Variants in LRRN3 observed in about 807,000 individuals in gnomAD.
LRRN3 encodes the protein leucine rich repeat neuronal 3.
In LRRN3, 15 loss-of-function variants were observed where a neutral mutation model predicts 40.1. That is an observed-to-expected ratio of 0.37 (90% confidence interval 0.25 to 0.58). LRRN3 has a LOEUF of 0.58. Ranked by LOEUF, LRRN3 falls within the 20% of genes least tolerant of loss-of-function variation. The pLI is 0.72. For missense variants in LRRN3, 746 were observed against 837.7 expected, an observed-to-expected ratio of 0.89 and a Z score of 1.35; for synonymous variants, 308 against 297.2, an observed-to-expected ratio of 1.04 and a Z score of -0.37.
chr7:111,109,160 T>C (rs1798889260), intron 2 of LRRN3, among the ~76,000 whole-genome samples: 1 of 152,106 alleles, frequency 6.6e-6, no homozygotes, highest in Non-Finnish European at 1.5e-5. Flanking sequence ...AAGACCAAAT[T>C]AAAGAACAAA....
At chr7:111,114,750 A>AAAAG (rs1268984004) in intron 2 of LRRN3, among the ~76,000 whole-genome samples, 1 of 151,790 alleles carries the variant, frequency 6.6e-6, no homozygotes, top group Non-Finnish European at 1.5e-5. Flanking sequence ...AAAAAAAAAA[A>AAAAG]AAAGAAAGAA....
chr7:111,111,687 T>A (rs1799223450), intron 2 of LRRN3, among the ~76,000 whole-genome samples: 1 of 151,934 alleles, frequency 6.6e-6, no homozygotes, highest in Non-Finnish European at 1.5e-5. Flanking sequence ...TAATTTTAAA[T>A]GAATTCAAGG....
chr7:111,113,610 T>C (rs1799499667), intron 2 of LRRN3, among the ~76,000 whole-genome samples: 1 of 151,620 alleles, frequency 6.6e-6, no homozygotes. Flanking sequence ...TATTTGGCTA[T>C]CTTCCAATAA....
chr7:111,110,657 A>G (rs1373722097), intron 2 of LRRN3, among the ~76,000 whole-genome samples: 3 of 152,228 alleles, frequency 2.0e-5, no homozygotes, highest in Non-Finnish European at 4.4e-5. Flanking sequence ...CAAATAACTT[A>G]AAGTTCAAAG....
At chr7:111,107,622 C>A (rs548149712) in intron 2 of LRRN3, among the ~76,000 whole-genome samples, 87 of 152,046 alleles carry the variant, frequency 5.7e-4, no homozygotes, top group Non-Finnish European at 5.7e-4. Flanking sequence ...AATCTACATG[C>A]TTTAATTGGG....
At chr7:111,099,043 C>A (rs1797693947) in intron 1 of LRRN3, among the ~76,000 whole-genome samples, 2 of 151,800 alleles carry the variant, frequency 1.3e-5, no homozygotes, top group Non-Finnish European at 3.0e-5. Flanking sequence ...TTGCTATCCA[C>A]TAGATTAACT....
intron 1 of LRRN3, chr7:111,097,414 T>G (rs532988311): frequency 6.6e-6 from 1 of 151,980 alleles, no homozygotes; most frequent in Non-Finnish European, 1.5e-5. Context: ...ACTTATAACT[T>G]TTTTCTAAAA....
At position 111,123,369 on chromosome 7, in the gene LRRN3, A is replaced by G. The variant is rs781214401; in HGVS notation, c.597A>G (p.Pro199=). The change falls in exon 3 of 3, where the codon CCA becomes CCG. Residue 199 remains proline, a synonymous_variant. Coordinates refer to ENST00000308478, the MANE Select transcript of LRRN3 (RefSeq NM_001099658.2). This position sits in a 1 kb window ranked among gnomAD's most constrained non-coding sequence, Gnocchi z 6.4. ...NLEILMIGEN[P]IIRIKDMNFK... is the part of the protein sequence containing the mutation. ...AGATTCTGATGATTGGGGAAAATCC[A>G]ATTATCAGAATCAAAGACATGAACT... is the stretch of plus-strand genomic sequence containing the variant. The G allele has an allele frequency of 6.2e-6, 10 of 1,613,744 alleles. No homozygotes were observed. The highest frequency in any genetic ancestry group is 8.5e-6 in the Non-Finnish European group (10 of 1,179,936).
In LRRN3 at chr7:111,124,577, A is replaced by G. The variant is rs1197296383; in HGVS notation, c.1805A>G (p.Asn602Ser). The stretch of plus-strand genomic sequence containing the variant: ...GATATTCCCACCATCTATCAGAAAA[A>G]CAGAAAAAAATGTGTAAATGTCACC... ...CIDIPTIYQK[N>S]RKKCVNVTTK... Residue 602 changes from asparagine (N) to serine (S), a missense_variant, in exon 3 of 3, where the codon AAC becomes AGC. Coordinates refer to ENST00000308478, the MANE Select transcript of LRRN3 (RefSeq NM_001099658.2). The G allele has an allele frequency of 6.8e-6, 11 of 1,613,798 alleles. No individual in the cohort carries two copies. The Admixed American group carries it at 1.7e-4, about 24-fold the overall frequency.
Position 111,123,282 on chromosome 7 carries a change from T to C in LRRN3, c.510T>C (p.His170=). 3.1e-6 allele frequency: 5 copies of C among 1,613,862 alleles called. No individual in the cohort carries two copies. The highest frequency in any genetic ancestry group is 4.2e-6 in the Non-Finnish European group (5 of 1,179,954). The part of the protein sequence containing the change: ...FIGLHNLLRL[H]LNSNRLQMIN... ...GCCTACATAATCTTCTTCGACTTCA[T>C]CTCAATTCAAATAGATTGCAGATGA... The change falls in exon 3 of 3, where the codon CAT becomes CAC. Residue 170 remains histidine (H), a synonymous_variant. Coordinates refer to ENST00000308478, the MANE Select transcript of LRRN3 (RefSeq NM_001099658.2). This position sits in a 1 kb window ranked among gnomAD's most constrained non-coding sequence, Gnocchi z 6.4.
intron 2 of LRRN3, among the ~76,000 whole-genome samples, chr7:111,102,784 C>T (rs887477664): frequency 1.3e-5 from 2 of 151,416 alleles, no homozygotes; most frequent in African/African-American, 4.8e-5. Context: ...TAAAAAGCTC[C>T]GAAACCATTC....
intron 2 of LRRN3, 149 bp from the exon 3 acceptor site, chr7:111,122,266 C>T (rs1201045433): frequency 6.6e-6 from 1 of 152,162 alleles, no homozygotes; most frequent in African/African-American, 2.4e-5. Context: ...AAGATAAAGT[C>T]ACCAAACATA....
chr7:111,118,082 G>C (rs1242625735), intron 2 of LRRN3, among the ~76,000 whole-genome samples: 1 of 152,056 alleles, frequency 6.6e-6, no homozygotes, highest in Non-Finnish European at 1.5e-5. Context: ...ACAGAATTAA[G>C]CATTCTCTCC....
At chr7:111,095,218 T>C (rs1483349545) in intron 1 of LRRN3, among the ~76,000 whole-genome samples, 1 of 151,972 alleles carries the variant, frequency 6.6e-6, no homozygotes, top group Non-Finnish European at 1.5e-5. Context: ...GTCTAATATG[T>C]TCATTTGATA....
Position 111,124,236 on chromosome 7 carries a change from C to G in LRRN3, c.1464C>G (p.Pro488=). 1 of 1,613,918 alleles carries G rather than the reference C, an allele frequency of 6.2e-7. No homozygotes were observed. Among genetic ancestry groups the G allele is most frequent in the Non-Finnish European group, 8.5e-7 (1 of 1,179,964 alleles). Residue 488 remains proline (P), a synonymous_variant, in exon 3 of 3, where the codon CCC becomes CCG. Coordinates refer to ENST00000308478, the MANE Select transcript of LRRN3 (RefSeq NM_001099658.2). ...CACTAGATATAAATGGCGTAACTCC[C>G]AAAGAAGGGGGTTTATATACTTGTA... The part of the protein sequence containing the change: ...EGTLDINGVT[P]KEGGLYTCIA...
intron 2 of LRRN3, among the ~76,000 whole-genome samples, chr7:111,102,711 T>C (rs935349156): frequency 1.3e-5 from 2 of 151,530 alleles, no homozygotes; most frequent in Non-Finnish European, 3.0e-5. Context: ...AATAGAATAA[T>C]CCAGCTTCTT....
Position 111,122,799 on chromosome 7 carries a change from T to A in LRRN3, c.27T>A (p.His9Gln), listed in dbSNP as rs778831114. Residue 9 changes from histidine (H) to glutamine (Q), a missense_variant, in exon 3 of 3, where the codon CAT (histidine) becomes CAA (glutamine). By Grantham distance (24) the His-to-Gln change is conservative. Coordinates refer to ENST00000308478, the MANE Select transcript of LRRN3 (RefSeq NM_001099658.2). Reference sequence around the variant, plus strand: ...TGAAGGACATGCCACTCCGAATTCATGTGCTACTTGGCCTAGCTATCACTA... The same window carrying A: ...TGAAGGACATGCCACTCCGAATTCAAGTGCTACTTGGCCTAGCTATCACTA... MKDMPLRI[H>Q]VLLGLAITTL... 2 of 1,613,370 alleles carry A rather than the reference T, an allele frequency of 1.2e-6. No individual in the cohort carries two copies.
rs547735027 is a variant in LRRN3 at position 111,108,867 on chromosome 7, A to G, written c.-359+8905A>G. 6.6e-5 allele frequency among the ~76,000 whole-genome samples: 10 copies of G among 152,308 alleles called. No homozygotes were observed. The East Asian group carries it at 1.9e-3, about 29-fold the overall frequency. On this transcript the variant is annotated intron_variant, in intron 2 of 2. Transcript: ENST00000308478. ...AGATGGAAATTTATAATTAAAAGCA[A>G]CTGATATTCATTCATTCATTCAGTA...
Position 111,122,986 on chromosome 7 carries a change from C to A in LRRN3, c.214C>A (p.Gln72Lys). ...TFPARLPANT[Q>K]ILLLQTNNIA... ...CCCAGCCAGATTGCCAGCTAACACA[C>A]AGATTCTTCTCCTACAGACTAACAA... is the stretch of plus-strand genomic sequence containing the variant. Residue 72 changes from glutamine to lysine, a missense_variant, in exon 3 of 3, where the codon CAG becomes AAG. Coordinates refer to ENST00000308478, the MANE Select transcript of LRRN3 (RefSeq NM_001099658.2). 6.2e-7 allele frequency: 1 copy of A among 1,613,994 alleles called. No homozygotes were observed.
Sources: allele counts gnomAD v4.1 joint callset (sites outside exome capture counted in the v4.1 genomes callset), GRCh38; gene constraint gnomAD v4.1.1; non-coding constraint Gnocchi (gnomAD v3.1); transcripts MANE v1.5; gene names NCBI Gene and HGNC (gene_info 2026-07-23, HGNC 2026-07-21).